The following TNNI3K variants were observed in gnomAD, a reference collection of about 807,000 sequenced individuals.
The protein encoded by TNNI3K is serine/threonine-protein kinase TNNI3K.
A neutral mutation model predicts 114.5 loss-of-function variants in TNNI3K; 140 were observed. The ratio of observed to expected loss-of-function variants is 1.22; its 90% CI spans 1.07 to 1.41. The LOEUF (loss-of-function observed/expected upper bound fraction) is 1.41. Among genes scored for constraint, TNNI3K ranks in the 40% most tolerant of loss-of-function variants. The pLI, the probability that TNNI3K is intolerant of heterozygous loss-of-function variation, is 0.00. For synonymous variants in TNNI3K, 347 were observed against 347.5 expected (o/e 1.00, Z 0.02); for missense variants, 1,125 against 1,007.6 (o/e 1.12, Z -1.58).
intron 5 of TNNI3K, among the ~76,000 whole-genome samples, chr1:74,323,038 A>T (rs1659706509): frequency 1.3e-5 from 2 of 152,210 alleles, no homozygotes; most frequent in Admixed American, 6.5e-5. Context: ...TCTCATTTTA[A>T]TATATAAGAC....
In TNNI3K at chr1:74,450,635, CAT is replaced by C. The variant is rs200772294; in HGVS notation, c.2011+11015_2011+11016del. Among the ~76,000 whole-genome samples the C allele has an allele frequency of 8.6e-3, 1,311 of 152,188 alleles. 16 individuals carry two copies. The highest frequency in any genetic ancestry group is 0.025 in the Admixed American group (376 of 15,284). Reference sequence around the variant, plus strand: ...AGAAGACATTTGTGCGGCCAACAAACATACAAAAAAACGCCCAACATCACTGA... The same window carrying C: ...AGAAGACATTTGTGCGGCCAACAAACACAAAAAAACGCCCAACATCACTGA... On this transcript the variant is annotated intron_variant, in intron 20 of 24. Coordinates refer to ENST00000326637, the MANE Select transcript of TNNI3K (RefSeq NM_015978.3).
chr1:74,459,484 T>C (rs1667357663), intron 20 of TNNI3K, among the ~76,000 whole-genome samples: 2 of 151,418 alleles, frequency 1.3e-5, no homozygotes, highest in Admixed American at 6.6e-5. Flanking sequence ...GAAAAAGAGG[T>C]AGGGGAGAAC....
At chr1:74,527,849 T>C (rs1646523229) in intron 23 of TNNI3K, among the ~76,000 whole-genome samples, 1 of 152,172 alleles carries the variant, frequency 6.6e-6, no homozygotes, top group Non-Finnish European at 1.5e-5. Flanking sequence ...GAGCAGAATG[T>C]CAGAGTCCAA....
At position 74,341,071 on chromosome 1, in the gene TNNI3K, C is replaced by T. The variant is rs1660724713; in HGVS notation, c.683-1771C>T. On this transcript the variant is annotated intron_variant, in intron 7 of 24. Transcript: ENST00000326637. ...TAGCAGCTACAAGGCCTAATTAAGA[C>T]CCTGTCTAGATTGACAAAGTAATCA... 2.0e-5 allele frequency among the ~76,000 whole-genome samples: 3 copies of T among 152,138 alleles called. No individual in the cohort carries two copies. The South Asian group carries it at 6.2e-4, about 31-fold the overall frequency.
intron 16 of TNNI3K, chr1:74,369,851 G>A: frequency 2.8e-6 from 1 of 352,180 alleles, no homozygotes; most frequent in East Asian, 4.8e-5. Context: ...AAAATAATTA[G>A]GCTAAATTTG....
At chr1:74,418,076 A>T in intron 17 of TNNI3K, 1 of 392,226 alleles carries the variant, frequency 2.5e-6, no homozygotes, top group South Asian at 1.8e-5. Flanking sequence ...TCTTACATTC[A>T]AGCAATGGAA....
chr1:74,482,291 A>T (rs1668543766), intron 21 of TNNI3K, among the ~76,000 whole-genome samples: 1 of 152,164 alleles, frequency 6.6e-6, no homozygotes, highest in Non-Finnish European at 1.5e-5. Context: ...ATGAAATCTA[A>T]CTTCACAAAT....
chr1:74,459,804 G>C (rs1667372455), intron 20 of TNNI3K, among the ~76,000 whole-genome samples: 2 of 151,912 alleles, frequency 1.3e-5, no homozygotes, highest in Admixed American at 6.6e-5. Context: ...ATAAAGTATC[G>C]ACAAACAAGG....
intron 11 of TNNI3K, among the ~76,000 whole-genome samples, chr1:74,365,078 G>A (rs914075415): frequency 3.3e-5 from 5 of 151,924 alleles, no homozygotes; most frequent in Non-Finnish European, 7.4e-5. Context: ...CAATTCTTGG[G>A]GCAAAAAGTA....
rs1164781872 is a variant in TNNI3K, at chr1:74,353,257, T to C, written c.933-9T>C. Reference sequence around the variant, plus strand: ...TCTATCTTTCTTGTTTTATGGTTTTTTTTTTCAGTGCTTGTACCTATGGCA... The same window carrying C: ...TCTATCTTTCTTGTTTTATGGTTTTCTTTTTCAGTGCTTGTACCTATGGCA... On this transcript the variant is annotated splice_polypyrimidine_tract_variant and intron_variant, in intron 9 of 24. Coordinates refer to ENST00000326637, the MANE Select transcript of TNNI3K (RefSeq NM_015978.3). The C allele has an allele frequency of 6.2e-7, 1 of 1,605,744 alleles. No individual in the cohort carries two copies. The highest frequency in any genetic ancestry group is 8.5e-7 in the Non-Finnish European group (1 of 1,177,878).
chr1:74,529,110 A>C (rs978025731), intron 23 of TNNI3K, among the ~76,000 whole-genome samples: 3 of 152,208 alleles, frequency 2.0e-5, no homozygotes, highest in Non-Finnish European at 2.9e-5. Context: ...AAGTAAATAA[A>C]ATTTGGCTGA....
chr1:74,425,586 A>C (rs757698117), intron 17 of TNNI3K, among the ~76,000 whole-genome samples: 6 of 152,090 alleles, frequency 3.9e-5, no homozygotes, highest in Non-Finnish European at 7.4e-5. Flanking sequence ...AATACATTTT[A>C]ATTCAGTATG....
chr1:74,345,289 T>C (rs1455156423), intron 9 of TNNI3K, among the ~76,000 whole-genome samples: 1 of 152,134 alleles, frequency 6.6e-6, no homozygotes, highest in Non-Finnish European at 1.5e-5. Context: ...AGACCTACCT[T>C]GTATTGGTGC....
At chr1:74,395,226 T>G (rs1376402376) in intron 17 of TNNI3K, among the ~76,000 whole-genome samples, 1 of 152,136 alleles carries the variant, frequency 6.6e-6, no homozygotes, top group Non-Finnish European at 1.5e-5. Flanking sequence ...ACACCTGATC[T>G]TGCAAGACCA....
intron 4 of TNNI3K, among the ~76,000 whole-genome samples, chr1:74,253,102 A>C (rs1209471239): frequency 6.6e-6 from 1 of 152,176 alleles, no homozygotes; most frequent in African/African-American, 2.4e-5. Context: ...GATTAGCTAG[A>C]TACAGAGTGC....
At chr1:74,418,622 G>GA (rs1557554165) in intron 17 of TNNI3K, among the ~76,000 whole-genome samples, 1 of 151,840 alleles carries the variant, frequency 6.6e-6, no homozygotes, top group Admixed American at 6.6e-5. Context: ...AAAATTTACG[G>GA]AAAATGGTTG....
intron 2 of TNNI3K, among the ~76,000 whole-genome samples, chr1:74,247,312 A>G (rs1654630681): frequency 6.6e-6 from 1 of 152,120 alleles, no homozygotes; most frequent in Middle Eastern, 3.4e-3. Flanking sequence ...GGAGTTGTTC[A>G]TTCCTCCCAG....
chr1:74,250,200 C>G (rs1258525481), intron 3 of TNNI3K, among the ~76,000 whole-genome samples: 5 of 152,276 alleles, frequency 3.3e-5, no homozygotes, highest in Admixed American at 6.5e-5. Flanking sequence ...CCATTTCTCC[C>G]AAACAAACCA....
rs1461882310 is a variant in TNNI3K, at chr1:74,353,997, T to A, written c.1045T>A (p.Tyr349Asn). ...DGHTGLHSAC[Y>N]HGHIRLVQFL... is the part of the protein sequence containing the mutation. ...TATTACAGGATTACACTCTGCTTGC[T>A]ACCACGGTCACATTCGCCTGGTTCA... The change falls in exon 11 of 25, where the codon TAC becomes AAC. Residue 349 changes from tyrosine to asparagine, a missense_variant. By Grantham distance (143) the Tyr-to-Asn change is moderately radical. Coordinates refer to ENST00000326637, the MANE Select transcript of TNNI3K (RefSeq NM_015978.3). 2.5e-6 allele frequency: 4 copies of A among 1,613,872 alleles called. No individual in the cohort carries two copies. The African/African-American group carries it at 5.3e-5, about 22-fold the overall frequency.
Sources: allele counts gnomAD v4.1 joint callset (sites outside exome capture counted in the v4.1 genomes callset), GRCh38; gene constraint gnomAD v4.1.1; transcripts MANE v1.5; gene names NCBI Gene and HGNC (gene_info 2026-07-23, HGNC 2026-07-21).